Variants in CCDC18 observed in about 807,000 individuals in gnomAD.
CCDC18 encodes the protein coiled-coil domain-containing protein 18.
Under a neutral mutation model 196.0 loss-of-function variants are expected in CCDC18, and 157 were observed. The observed-to-expected ratio is 0.80, with a 90% CI of 0.70 to 0.91. The LOEUF is 0.91. Ranked by LOEUF, CCDC18 falls within the 40% of genes least tolerant of loss-of-function variation. CCDC18 has a pLI of 0.00. For synonymous variants in CCDC18, 482 were observed against 529.2 expected, an observed-to-expected ratio of 0.91 and a Z score of 1.22; for missense variants, 1,465 against 1,611.6, an observed-to-expected ratio of 0.91 and a Z score of 1.56.
At chr1:93,258,959 C>A in intron 26 of CCDC18, 74 bp downstream of exon 26, 1 of 1,271,876 alleles carries the variant, frequency 7.9e-7, no homozygotes, top group Non-Finnish European at 1.1e-6. Flanking sequence ...AGTATGAGTC[C>A]AGCTCTTAAG....
rs575728660 is a variant in CCDC18, at chr1:93,216,650, T to C, written c.1734T>C (p.Cys578=). Residue 578 remains cysteine (C), a synonymous_variant, in exon 13 of 29, where the codon TGT becomes TGC. Transcript: ENST00000690025. ...SKLESEMTKK[C]SQLLTLEKQL... ...TGTGTTTTCAGATGACAAAGAAATG[T>C]TCTCAACTTTTAACTCTTGAGAAAC... The C allele has an allele frequency of 2.6e-6, 4 of 1,539,106 alleles. No homozygotes were observed. Among genetic ancestry groups the C allele is most frequent in the Non-Finnish European group, 2.6e-6 (3 of 1,136,984 alleles).
intron 27 of CCDC18, 72 bp from the exon 28 acceptor site, chr1:93,270,273 CTA>C: frequency 1.2e-6 from 1 of 810,474 alleles, no homozygotes. Flanking sequence ...TTCTAAAAGT[CTA>C]TGATTTTCTA....
intron 4 of CCDC18, among the ~76,000 whole-genome samples, chr1:93,188,921 G>A (rs1039437457): frequency 4.6e-5 from 7 of 152,052 alleles, no homozygotes; most frequent in Admixed American, 6.6e-5. Context: ...CATAATAATC[G>A]CATCATGGAG....
At chr1:93,224,291 ATAATACTTTACCCCTT>A (rs1391338377) in intron 16 of CCDC18, among the ~76,000 whole-genome samples, 1 of 152,150 alleles carries the variant, frequency 6.6e-6, no homozygotes, top group Non-Finnish European at 1.5e-5. Context: ...TACGGATGTC[ATAATACTTTACCCCTT>A]TAATACTTAA....
At chr1:93,262,405 G>A (rs986176614) in intron 26 of CCDC18, 11 of 152,198 alleles carry the variant, frequency 7.2e-5, no homozygotes, top group African/African-American at 2.7e-4. Context: ...GATACAATGG[G>A]GGTACAGGCA....
chr1:93,180,976 C>T (rs1649520107), intron 1 of CCDC18, 124 bp downstream of exon 1: 2 of 925,008 alleles, frequency 2.2e-6, no homozygotes, highest in Non-Finnish European at 3.1e-6. Context: ...GGGACTGGTC[C>T]TCGTGGTTGC....
intron 25 of CCDC18, among the ~76,000 whole-genome samples, chr1:93,258,053 G>T (rs1013254115): frequency 4.1e-5 from 6 of 147,978 alleles, no homozygotes; most frequent in South Asian, 2.2e-4. Flanking sequence ...TTAATTAAAA[G>T]ACATTAATTA....
upstream of CCDC18, chr1:93,180,107 CCTT>C (rs770335155): frequency 3.7e-5 from 60 of 1,613,804 alleles, 1 homozygote; most frequent in Middle Eastern, 6.6e-4. Context: ...TAGAAGCACT[CCTT>C]CTGGCCGGCG....
chr1:93,264,851 C>A lies in CCDC18; in HGVS notation c.3835C>A (p.Gln1279Lys). The A allele has an allele frequency of 1.2e-6, 2 of 1,613,256 alleles. No individual in the cohort carries two copies. The highest frequency in any genetic ancestry group is 1.7e-6 in the Non-Finnish European group (2 of 1,179,566). ...DTVSNLHQQVQDRNEVIEAAN... is the reference protein window; with the variant it reads ...DTVSNLHQQVKDRNEVIEAAN... ...TGTAAGCAATTTGCATCAACAAGTC[C>A]AAGATAGGAATGAAGTAATTGAAGC... Residue 1279 changes from glutamine (Q) to lysine (K), a missense_variant, in exon 27 of 29, where the codon CAA becomes AAA. Physicochemically the swap from Gln to Lys is moderately conservative, Grantham distance 53. Coordinates refer to ENST00000690025, the MANE Select transcript of CCDC18 (RefSeq NM_001378204.1).
upstream of CCDC18, chr1:93,180,560 C>T: frequency 1.4e-6 from 2 of 1,456,860 alleles, no homozygotes; most frequent in Non-Finnish European, 1.8e-6. Context: ...GGCATCATGG[C>T]GGTAATTGTG....
At chr1:93,265,017 TA>T in intron 27 of CCDC18, 116 bp downstream of exon 27, 2 of 658,260 alleles carry the variant, frequency 3.0e-6, no homozygotes, top group Middle Eastern at 4.2e-4. Flanking sequence ...CCTGTTTGAA[TA>T]AAAACCATTT....
chr1:93,239,350 T>A lies in CCDC18; in HGVS notation c.2644T>A (p.Ser882Thr). The A allele has an allele frequency of 6.2e-7, 1 of 1,613,158 alleles. No individual in the cohort carries two copies. Among genetic ancestry groups the A allele is most frequent in the Non-Finnish European group, 8.5e-7 (1 of 1,179,428 alleles). Residue 882 changes from serine to threonine, a missense_variant, in exon 20 of 29, where the codon TCT (serine) becomes ACT (threonine). Coordinates refer to ENST00000690025, the MANE Select transcript of CCDC18 (RefSeq NM_001378204.1). ...GATGGATCAGTACAAAGAAGAGCTG[T>A]CTAAAATGGAAAAGGAAATAATGCA... ...IEMDQYKEEL[S>T]KMEKEIMHLK...
intron 21 of CCDC18, among the ~76,000 whole-genome samples, chr1:93,242,283 T>G (rs1345817746): frequency 6.6e-6 from 1 of 152,092 alleles, no homozygotes; most frequent in Non-Finnish European, 1.5e-5. Flanking sequence ...TGGGGAGGCC[T>G]CACAATCATG....
At chr1:93,211,311 T>G (rs565104710) in intron 10 of CCDC18, among the ~76,000 whole-genome samples, 5 of 151,382 alleles carry the variant, frequency 3.3e-5, no homozygotes, top group Admixed American at 3.3e-4. Context: ...TTGAGGAATT[T>G]AAAAAATATA....
intron 26 of CCDC18, among the ~76,000 whole-genome samples, chr1:93,261,096 T>C (rs1663722282): frequency 1.3e-5 from 2 of 152,214 alleles, no homozygotes; most frequent in South Asian, 2.1e-4. Context: ...CATGTGTCTT[T>C]ATAGTAGAAT....
intron 1 of CCDC18, 95 bp from the exon 2 acceptor site, chr1:93,183,265 G>T: frequency 1.2e-6 from 1 of 842,776 alleles, no homozygotes; most frequent in Non-Finnish European, 1.7e-6. Context: ...ATTTAAAATA[G>T]AAAACTAATG....
chr1:93,180,617 C>G, upstream of CCDC18: 1 of 1,343,002 alleles, frequency 7.4e-7, no homozygotes, highest in Non-Finnish European at 9.8e-7. Flanking sequence ...CGGGCGCGCT[C>G]GCCGACCACG....
At chr1:93,188,199 C>A (rs772160828) in intron 4 of CCDC18, among the ~76,000 whole-genome samples, 53 of 152,174 alleles carry the variant, frequency 3.5e-4, no homozygotes, top group Non-Finnish European at 7.6e-4. Context: ...CATGTATGAG[C>A]TTTTGATGTT....
upstream of CCDC18, chr1:93,180,178 A>C (rs1212475794): frequency 1.2e-6 from 2 of 1,613,690 alleles, no homozygotes; most frequent in Admixed American, 1.7e-5. Context: ...CGCCCCAGGC[A>C]GCAGCACCGG....
Sources: gnomAD v4.1 joint callset for allele counts (sites outside exome capture counted in the v4.1 genomes callset) on GRCh38, gnomAD v4.1.1 for gene constraint, MANE v1.5 for transcripts, NCBI Gene and HGNC (gene_info 2026-07-23, HGNC 2026-07-21) for gene names.